Variants in GCLC observed in about 807,000 individuals in gnomAD.
The protein encoded by GCLC is glutamate-cysteine ligase catalytic subunit.
In GCLC, 30 loss-of-function variants were observed where a neutral mutation model predicts 81.5. The observed-to-expected ratio is 0.37, with a 90% CI of 0.28 to 0.50. The LOEUF (loss-of-function observed/expected upper bound fraction) is 0.50. GCLC is among the 20% of genes least tolerant of loss of function. The pLI, the probability that GCLC is intolerant of heterozygous loss-of-function variation, is 0.96. For synonymous variants in GCLC, 262 were observed against 273.3 expected (o/e 0.96, Z 0.41); for missense variants, 556 against 777.4 (o/e 0.72, Z 3.39).
At chr6:53,514,374 A>T (rs1764821258) in intron 5 of GCLC, 37 bp from the exon 6 acceptor site, 1 of 1,591,056 alleles carries the variant, frequency 6.3e-7, no homozygotes, top group South Asian at 1.1e-5. Context: ...AATGGTTTAG[A>T]ATCCAGGATT....
At chr6:53,530,585 T>A (rs912437481) in intron 1 of GCLC, among the ~76,000 whole-genome samples, 2 of 152,198 alleles carry the variant, frequency 1.3e-5, no homozygotes, top group African/African-American at 2.4e-5. Flanking sequence ...TCGTCCTGCA[T>A]CTGCCTTTTC....
chr6:53,513,476 C>T (rs942870749), intron 6 of GCLC: 1 of 152,162 alleles, frequency 6.6e-6, no homozygotes, highest in East Asian at 1.9e-4. Context: ...AATATCAGCC[C>T]TTCTTTCAAC....
chr6:53,514,137 T>C (rs1011982238), intron 6 of GCLC, 67 bp downstream of exon 6: 11 of 1,441,348 alleles, frequency 7.6e-6, no homozygotes, highest in Non-Finnish European at 1.1e-5. Context: ...GAAACATGCA[T>C]ATATAAAGAA....
At chr6:53,535,817 G>T (rs1763248110) in intron 1 of GCLC, among the ~76,000 whole-genome samples, 1 of 152,124 alleles carries the variant, frequency 6.6e-6, no homozygotes, top group African/African-American at 2.4e-5. Flanking sequence ...GCCCATACCG[G>T]TGTTAACAAG....
chr6:53,522,459 T>C lies in GCLC; in HGVS notation c.219A>G (p.Lys73=), dbSNP rs1303029160. The part of the protein sequence containing the change: ...KKVRLVLSGE[K]VLETLQEKGE... ...CCTTCTCTTGCAGAGTTTCAAGAACTTTCTCCCCAGACAGGACCAACCGGA... is the reference window on the plus strand; with the variant it reads ...CCTTCTCTTGCAGAGTTTCAAGAACCTTCTCCCCAGACAGGACCAACCGGA... Residue 73 remains lysine (K), a synonymous_variant, in exon 2 of 16, where the codon AAA becomes AAG. Transcript: ENST00000650454. 1 of 1,612,690 alleles carries C rather than the reference T, an allele frequency of 6.2e-7. No homozygotes were observed. The highest frequency in any genetic ancestry group is 8.5e-7 in the Non-Finnish European group (1 of 1,178,802).
intron 1 of GCLC, among the ~76,000 whole-genome samples, chr6:53,541,266 T>G (rs968986414): frequency 1.3e-5 from 2 of 152,264 alleles, no homozygotes; most frequent in African/African-American, 4.8e-5. Context: ...GGAGAATTAG[T>G]ATCTGCATCC....
chr6:53,538,118 C>T (rs531580000), intron 1 of GCLC, among the ~76,000 whole-genome samples: 214 of 141,146 alleles, frequency 1.5e-3, no homozygotes, highest in African/African-American at 5.3e-3. Flanking sequence ...ATAAGCTAGG[C>T]ATTTTCTTTT....
rs1168472380 is a variant in GCLC at position 53,500,032 on chromosome 6, A to G, written c.1702+13T>C. The G allele has an allele frequency of 5.1e-6, 8 of 1,570,582 alleles. No homozygotes were observed. The South Asian group carries it at 8.9e-5, about 17-fold the overall frequency. On this transcript the variant is annotated intron_variant, in intron 15 of 15. Transcript: ENST00000650454. Reference sequence around the variant, plus strand: ...TGTCTATATTATGAGATTAAGAAAAATAGATATCATACCAGATGCTCTCTT... The same window carrying G: ...TGTCTATATTATGAGATTAAGAAAAGTAGATATCATACCAGATGCTCTCTT...
intron 6 of GCLC, chr6:53,509,659 A>G (rs898445505): frequency 4.1e-6 from 1 of 245,884 alleles, no homozygotes; most frequent in African/African-American, 2.3e-5. Flanking sequence ...TCTTCCTTTT[A>G]TTTTTTTGAG....
At chr6:53,541,448 AATGTT>A (rs1436602918) in intron 1 of GCLC, among the ~76,000 whole-genome samples, 1 of 152,150 alleles carries the variant, frequency 6.6e-6, no homozygotes, top group African/African-American at 2.4e-5. Flanking sequence ...TCAGGGCAGG[AATGTT>A]ATTCTTCTCA....
At chr6:53,514,131 C>G in intron 6 of GCLC, 73 bp downstream of exon 6, 2 of 1,386,962 alleles carry the variant, frequency 1.4e-6, no homozygotes, top group South Asian at 2.3e-5. Context: ...GAACAGGAAA[C>G]ATGCATATAT....
At chr6:53,521,704 T>C (rs1161476164) in intron 2 of GCLC, among the ~76,000 whole-genome samples, 1 of 151,986 alleles carries the variant, frequency 6.6e-6, no homozygotes, top group African/African-American at 2.4e-5. Context: ...CCGGGTGCGG[T>C]GGCTCATGCT....
chr6:53,522,060 C>G (rs17878892), intron 2 of GCLC, among the ~76,000 whole-genome samples: 2,198 of 152,340 alleles, frequency 0.014, 25 homozygotes, highest in Middle Eastern at 0.085. Context: ...CCCAGTTATA[C>G]GCTTCTGCAA....
At chr6:53,518,008 C>T (rs17879932) in intron 3 of GCLC, among the ~76,000 whole-genome samples, 542 of 152,238 alleles carry the variant, frequency 3.6e-3, no homozygotes, top group Middle Eastern at 6.8e-3. Context: ...CAGAGCACTC[C>T]TTTCTCTCTT....
chr6:53,517,713 G>A (rs575659548), intron 3 of GCLC, among the ~76,000 whole-genome samples: 3 of 152,024 alleles, frequency 2.0e-5, no homozygotes, highest in Non-Finnish European at 4.4e-5. Flanking sequence ...TTGCATCTTC[G>A]GACACCTACG....
Position 53,514,188 on chromosome 6 carries a change from A to G in GCLC, c.753+16T>C, listed in dbSNP as rs1483181898. The G allele has an allele frequency of 3.1e-6, 5 of 1,612,864 alleles. No homozygotes were observed. Among genetic ancestry groups the G allele is most frequent in the Non-Finnish European group, 2.5e-6 (3 of 1,178,846 alleles). On this transcript the variant is annotated intron_variant, in intron 6 of 15. Transcript: ENST00000650454. ...TGGATGGAACACTTTGCCTCTCTGT[A>G]TATTTGAAACTATACCTGGAGACAG...
At chr6:53,540,866 C>T (rs1763341807) in intron 1 of GCLC, among the ~76,000 whole-genome samples, 1 of 152,134 alleles carries the variant, frequency 6.6e-6, no homozygotes, top group Non-Finnish European at 1.5e-5. Flanking sequence ...CATGATGAGA[C>T]CCTCCCATCC....
At chr6:53,507,657 A>G (rs751430632) in intron 8 of GCLC, 39 bp from the exon 9 acceptor site, 2 of 875,462 alleles carry the variant, frequency 2.3e-6, no homozygotes, top group Non-Finnish European at 3.6e-6. Context: ...TATGCTATAT[A>G]AAATGAGTGG....
chr6:53,514,139 T>G lies in GCLC; in HGVS notation c.753+65A>C, dbSNP rs531192110. On this transcript the variant is annotated intron_variant, in intron 6 of 15. Coordinates refer to ENST00000650454, the MANE Select transcript of GCLC (RefSeq NM_001498.4). ...ATTTTTGGAACAGGAAACATGCATA[T>G]ATAAAGAAGTTAAAAAACAGAAATG... 82 of 1,478,462 alleles carry G rather than the reference T, an allele frequency of 5.5e-5. 1 individual carries two copies. In the South Asian group the frequency reaches 9.0e-4, roughly 16 times the overall value. 91.6% of individuals were successfully genotyped at this position (1,478,462 alleles called of 1,614,324 possible). A position where few individuals can be genotyped will look rare whatever the true frequency, so the allele number is the denominator to read the frequency against.
Sources: gnomAD v4.1 joint callset for allele counts (sites outside exome capture counted in the v4.1 genomes callset) on GRCh38, gnomAD v4.1.1 for gene constraint, MANE v1.5 for transcripts, NCBI Gene and HGNC (gene_info 2026-07-23, HGNC 2026-07-21) for gene names.